NLRP14: variants seen among roughly 807,000 people sequenced by gnomAD.
NLRP14 encodes the protein NACHT, LRR and PYD domains-containing protein 14.
A neutral mutation model predicts 94.7 loss-of-function variants in NLRP14; 105 were observed. The observed-to-expected ratio is 1.11, with a 90% CI of 0.95 to 1.30. The LOEUF (loss-of-function observed/expected upper bound fraction) is 1.30. NLRP14 is among the 50% of genes most tolerant of loss of function. The probability of loss-of-function intolerance (pLI) is 0.00; values close to 1 mark genes in which losing one functional copy is unlikely to be tolerated. For missense variants in NLRP14, 1,362 were observed against 1,254.1 expected (o/e 1.09, Z -1.30); for synonymous variants, 508 against 459.9 (o/e 1.10, Z -1.34).
intron 10 of NLRP14, among the ~76,000 whole-genome samples, chr11:7,068,692 T>C (rs1852744923): frequency 6.6e-6 from 1 of 152,188 alleles, no homozygotes; most frequent in Non-Finnish European, 1.5e-5. Flanking sequence ...GGTCTTTTTC[T>C]TTCACCCAGG....
rs1852308115 is a variant in NLRP14, at chr11:7,043,734, A to C, written c.1708A>C (p.Ser570Arg). The change falls in exon 4 of 12, where the codon AGT (serine) becomes CGT (arginine). Residue 570 changes from serine to arginine, a missense_variant. Physicochemically the swap from Ser to Arg is moderately radical, Grantham distance 110 (BLOSUM62 -1). Transcript: ENST00000299481. ...TCAGTGTATGGAAGTATTAGGAAAC[A>C]GTGACTATTCTCCATCACAGCTGGG... ...LLQCMEVLGNSDYSPSQLGFL... is the reference protein window; with the variant it reads ...LLQCMEVLGNRDYSPSQLGFL... 6.2e-7 allele frequency: 1 copy of C among 1,614,190 alleles called. No individual in the cohort carries two copies. Among genetic ancestry groups the C allele is most frequent in the Admixed American group, 1.7e-5 (1 of 60,024 alleles).
At chr11:7,047,779 T>TG (rs2119639828) in intron 5 of NLRP14, among the ~76,000 whole-genome samples, 1 of 149,864 alleles carries the variant, frequency 6.7e-6, no homozygotes, top group East Asian at 1.9e-4. Flanking sequence ...TTTTTTTTTT[T>TG]TGAGACAGTC....
the NLRP14 span, chr11:7,089,672 G>C: frequency 6.8e-7 from 1 of 1,475,086 alleles, no homozygotes; most frequent in African/African-American, 1.4e-5. Flanking sequence ...CCCTGGCCGT[G>C]CGGGGGCGAG....
intron 6 of NLRP14, among the ~76,000 whole-genome samples, chr11:7,054,590 G>A (rs1207759387): frequency 6.6e-6 from 1 of 152,006 alleles, no homozygotes; most frequent in East Asian, 1.9e-4. Context: ...TGCCATTTGT[G>A]TGTCTTCTTT....
intron 4 of NLRP14, among the ~76,000 whole-genome samples, chr11:7,044,211 G>T (rs997305639): frequency 6.6e-6 from 1 of 152,164 alleles, no homozygotes; most frequent in African/African-American, 2.4e-5. Flanking sequence ...TGGCCTGAAG[G>T]CAATACCAGG....
intron 1 of NLRP14, among the ~76,000 whole-genome samples, chr11:7,022,442 T>C (rs1460033651): frequency 6.6e-6 from 1 of 152,206 alleles, no homozygotes; most frequent in African/African-American, 2.4e-5. Flanking sequence ...CTTGAAGGCA[T>C]AGAATTTTCC....
downstream of NLRP14, among the ~76,000 whole-genome samples, chr11:7,075,612 G>A (rs946151299): frequency 6.6e-6 from 1 of 152,110 alleles, no homozygotes; most frequent in Non-Finnish European, 1.5e-5. Flanking sequence ...ATCATTATGT[G>A]TTCATTTTAC....
chr11:7,072,853 C>A (rs1852822365), downstream of NLRP14, among the ~76,000 whole-genome samples: 1 of 152,112 alleles, frequency 6.6e-6, no homozygotes, highest in African/African-American at 2.4e-5. Flanking sequence ...GTTGTGGCCA[C>A]TTATTGTCTC....
At chr11:7,078,266 G>A in the NLRP14 span, among the ~76,000 whole-genome samples, 3,313 of 150,960 alleles carry the variant, frequency 0.022, 137 homozygotes, top group African/African-American at 0.076. Context: ...GCAAAACCCC[G>A]TCTGTACTAA....
the NLRP14 span, chr11:7,089,543 C>T: frequency 5.0e-6 from 6 of 1,203,944 alleles, no homozygotes; most frequent in Non-Finnish European, 5.2e-6. Context: ...ACCTGCGGCC[C>T]TCCAGGGCCC....
the NLRP14 span, among the ~76,000 whole-genome samples, chr11:7,079,882 T>C: frequency 6.6e-6 from 1 of 152,162 alleles, no homozygotes; most frequent in Non-Finnish European, 1.5e-5. Flanking sequence ...ACTTGAAAAG[T>C]GCAGGAATGC....
chr11:7,075,910 T>C (rs928750671), downstream of NLRP14, among the ~76,000 whole-genome samples: 1 of 152,186 alleles, frequency 6.6e-6, no homozygotes, highest in Admixed American at 6.5e-5. Flanking sequence ...CCCACAGTTA[T>C]GTTCGAAGGC....
the NLRP14 span, among the ~76,000 whole-genome samples, chr11:7,078,462 A>AAAAAAAAAAAAAAAAAAAAG: frequency 1.1e-5 from 1 of 88,486 alleles, no homozygotes; most frequent in Non-Finnish European, 2.0e-5. Flanking sequence ...AAAAAAAAAA[A>AAAAAAAAAAAAAAAAAAAAG]CAAAAAAATT....
At chr11:7,062,918 C>T (rs913198770) in intron 10 of NLRP14, among the ~76,000 whole-genome samples, 2 of 152,058 alleles carry the variant, frequency 1.3e-5, no homozygotes, top group Non-Finnish European at 2.9e-5. Context: ...ACATTTCTTA[C>T]GTTCAATTCT....
rs931386916 is a variant in NLRP14 at position 7,020,615 on chromosome 11, G to C, written c.-177G>C. 3.3e-5 allele frequency: 5 copies of C among 152,300 alleles called. No individual in the cohort carries two copies. Among genetic ancestry groups the C allele is most frequent in the African/African-American group, 4.8e-5 (2 of 41,466 alleles). The allele number at this position is 152,300 out of a possible 1,614,324, so 9.4% of individuals were successfully genotyped here. A position where few individuals can be genotyped will look rare whatever the true frequency, so the allele number is the denominator to read the frequency against. On this transcript the variant is annotated 5_prime_UTR_variant, in exon 1 of 12. Transcript: ENST00000299481. ...GGCTGGAAACGGAGCTACTGGCTTC[G>C]GAGAATTCTGTGACCCTCACCACCG...
chr11:7,085,313 C>G, the NLRP14 span, among the ~76,000 whole-genome samples: 1 of 152,150 alleles, frequency 6.6e-6, no homozygotes, highest in Non-Finnish European at 1.5e-5. Flanking sequence ...TGTATTCATA[C>G]TGTTGTGTAA....
In NLRP14 at chr11:7,043,197, T is replaced by C. The variant is rs147502166; in HGVS notation, c.1171T>C (p.Leu391=). Residue 391 remains leucine (L), a synonymous_variant, in exon 4 of 12, where the codon TTG becomes CTG. Transcript: ENST00000299481. The part of the protein sequence containing the change: ...QQMEKGGDVT[L]TCQTTTALFT... ...AATGGAGAAGGGTGGTGATGTCACA[T>C]TGACCTGCCAAACAACCACAGCTCT... 3.1e-6 allele frequency: 5 copies of C among 1,614,170 alleles called. No individual in the cohort carries two copies. Among genetic ancestry groups the C allele is most frequent in the African/African-American group, 1.3e-5 (1 of 75,042 alleles).
chr11:7,083,857 A>G, the NLRP14 span, among the ~76,000 whole-genome samples: 1 of 152,086 alleles, frequency 6.6e-6, no homozygotes, highest in Non-Finnish European at 1.5e-5. Flanking sequence ...ACTCCTCCCC[A>G]AATTCTCTTA....
chr11:7,057,100 A>G (rs142681085), intron 6 of NLRP14, among the ~76,000 whole-genome samples: 44 of 152,158 alleles, frequency 2.9e-4, no homozygotes, highest in Non-Finnish European at 4.9e-4. Context: ...CAACATGTAC[A>G]AGGCACAGGT....
Sources: allele counts gnomAD v4.1 joint callset (sites outside exome capture counted in the v4.1 genomes callset), GRCh38; gene constraint gnomAD v4.1.1; transcripts MANE v1.5; gene names NCBI Gene and HGNC (gene_info 2026-07-23, HGNC 2026-07-21).